NRG1: variants seen among roughly 807,000 people sequenced by gnomAD.
NRG1 encodes the protein neuregulin 1.
A neutral mutation model predicts 63.8 loss-of-function variants in NRG1; 18 were observed. That is an observed-to-expected ratio of 0.28 (90% CI 0.19 to 0.42). NRG1 has a LOEUF of 0.42. Among genes scored for constraint, NRG1 ranks in the 10% least tolerant of loss-of-function variants. The pLI is 1.00. For missense variants in NRG1, 762 were observed against 814.7 expected, an observed-to-expected ratio of 0.94 and a Z score of 0.79; for synonymous variants, 302 against 301.3, an observed-to-expected ratio of 1.00 and a Z score of -0.02.
intron 5 of NRG1, among the ~76,000 whole-genome samples, chr8:32,644,770 T>C (rs1228825574): frequency 6.6e-6 from 1 of 151,958 alleles, no homozygotes; most frequent in Non-Finnish European, 1.5e-5. Context: ...TTGGGTATTT[T>C]CAGTGTAACA....
chr8:32,628,834 G>C (rs1354556967), intron 5 of NRG1, among the ~76,000 whole-genome samples: 1 of 151,026 alleles, frequency 6.6e-6, no homozygotes, highest in Non-Finnish European at 1.5e-5. Context: ...CCCGGTTCAA[G>C]CGATTCTCCT....
intron 1 of NRG1, chr8:31,639,702 C>T: frequency 1.4e-6 from 2 of 1,391,004 alleles, no homozygotes; most frequent in Non-Finnish European, 1.9e-6. Flanking sequence ...CCTGTCACTC[C>T]CTGTAACTGA....
At chr8:32,620,872 A>C (rs767994551) in intron 5 of NRG1, among the ~76,000 whole-genome samples, 1 of 152,026 alleles carries the variant, frequency 6.6e-6, no homozygotes, top group Non-Finnish European at 1.5e-5. Context: ...GAAAAAAACA[A>C]AAAGAAGAAA....
chr8:32,064,993 TG>T (rs1399114722), intron 1 of NRG1, among the ~76,000 whole-genome samples: 1 of 152,086 alleles, frequency 6.6e-6, no homozygotes, highest in Non-Finnish European at 1.5e-5. Context: ...CCAATTACAT[TG>T]GGGGATAGTC....
At chr8:32,404,761 T>C (rs551175171) in intron 1 of NRG1, among the ~76,000 whole-genome samples, 4 of 152,076 alleles carry the variant, frequency 2.6e-5, no homozygotes, top group East Asian at 3.9e-4. Flanking sequence ...ATTTTTATAC[T>C]TTTAGTAGAG....
intron 1 of NRG1, among the ~76,000 whole-genome samples, chr8:32,526,516 G>A (rs1022694503): frequency 1.3e-5 from 2 of 152,294 alleles, no homozygotes; most frequent in Admixed American, 1.3e-4. Context: ...TATACAAGGC[G>A]TAAATACCAA....
intron 1 of NRG1, among the ~76,000 whole-genome samples, chr8:32,080,554 C>A (rs1230868588): frequency 2.6e-5 from 4 of 152,098 alleles, no homozygotes; most frequent in African/African-American, 9.7e-5. Context: ...ACAGAAGTAA[C>A]TACTAATCTA....
rs951301473 is a variant in NRG1 at position 32,763,428 on chromosome 8, G to A, written c.1260-320G>A. ...GCCTTGGTCCTTATATAAGCTGAGA[G>A]GTTTCCAGGACCTAATGCCTTCTTG... is the stretch of plus-strand genomic sequence containing the variant. On this transcript the variant is annotated intron_variant, in intron 11 of 11. Coordinates refer to ENST00000356819, the Ensembl canonical transcript of NRG1. The A allele has an allele frequency of 5.3e-6, 8 of 1,522,248 alleles. No individual in the cohort carries two copies. The Admixed American group carries it at 1.3e-4, about 25-fold the overall frequency. The allele number at this position is 1,522,248 out of a possible 1,614,324, so 94.3% of individuals were successfully genotyped here.
intron 1 of NRG1, among the ~76,000 whole-genome samples, chr8:32,488,837 G>A (rs560686354): frequency 1.2e-4 from 19 of 152,222 alleles, no homozygotes; most frequent in Admixed American, 4.6e-4. Context: ...TTCGAGTAAC[G>A]ACAGGCACCT....
At chr8:32,147,555 T>TA (rs1837007983) in intron 1 of NRG1, among the ~76,000 whole-genome samples, 1 of 152,216 alleles carries the variant, frequency 6.6e-6, no homozygotes, top group Non-Finnish European at 1.5e-5. Context: ...TAAATCCTAT[T>TA]ATACAAGGCA....
At chr8:31,759,791 A>C (rs1290612649) in intron 1 of NRG1, among the ~76,000 whole-genome samples, 1 of 152,084 alleles carries the variant, frequency 6.6e-6, no homozygotes, top group Non-Finnish European at 1.5e-5. Context: ...CTATAGGTTA[A>C]TTTAGGGAGA....
intron 1 of NRG1, among the ~76,000 whole-genome samples, chr8:32,509,095 TTA>T (rs58734290): frequency 2.8e-5 from 4 of 145,026 alleles, no homozygotes; most frequent in Admixed American, 6.9e-5. Flanking sequence ...TTATTTTATT[TTA>T]TATTTTATTT....
chr8:32,063,513 A>T (rs1056619099), intron 1 of NRG1: 1 of 152,140 alleles, frequency 6.6e-6, no homozygotes. Flanking sequence ...TGTAAAATTG[A>T]GACTATTCTG....
upstream of NRG1, among the ~76,000 whole-genome samples, chr8:32,544,549 C>T (rs1013969667): frequency 2.0e-5 from 3 of 151,362 alleles, no homozygotes; most frequent in African/African-American, 7.3e-5. Flanking sequence ...GTCACCCAGG[C>T]TGGAGTGCAG....
In NRG1 at chr8:31,728,816, C is replaced by T. The variant is rs1395127311; in HGVS notation, c.37+89385C>T. Among the ~76,000 whole-genome samples the T allele has an allele frequency of 2.6e-5, 4 of 152,250 alleles. No individual in the cohort carries two copies. The East Asian group carries it at 7.7e-4, about 29-fold the overall frequency. On this transcript the variant is annotated intron_variant, in intron 1 of 10. Transcript: ENST00000519301. ...ATCCCATTGATTCTTGTTTATGATA[C>T]TATTTCATAAAACTCAGGGTCATAT...
intron 1 of NRG1, among the ~76,000 whole-genome samples, chr8:32,081,244 C>G (rs1827418698): frequency 1.3e-5 from 2 of 152,126 alleles, no homozygotes; most frequent in Non-Finnish European, 2.9e-5. Context: ...TTCTTAATCT[C>G]CAAATGTGGT....
In NRG1 at chr8:31,708,736, C is replaced by T. The variant is rs531567227; in HGVS notation, c.37+69305C>T. ...CTGGGATTACAGGCGTGAGCCACCGCGCCCGGCCAACATAATTGTTTTTAA... is the reference window on the plus strand; with the variant it reads ...CTGGGATTACAGGCGTGAGCCACCGTGCCCGGCCAACATAATTGTTTTTAA... On this transcript the variant is annotated intron_variant, in intron 1 of 10. Coordinates refer to the NRG1 transcript ENST00000519301. 7.2e-5 allele frequency among the ~76,000 whole-genome samples: 11 copies of T among 152,236 alleles called. No individual in the cohort carries two copies. The South Asian group carries it at 8.3e-4, about 11-fold the overall frequency.
intron 1 of NRG1, among the ~76,000 whole-genome samples, chr8:32,297,349 T>G (rs897600120): frequency 5.3e-5 from 8 of 152,174 alleles, no homozygotes; most frequent in African/African-American, 1.9e-4. Flanking sequence ...TTTTGGCATT[T>G]ACTTCATTTT....
intron 1 of NRG1, among the ~76,000 whole-genome samples, chr8:32,381,954 G>A (rs539927708): frequency 1.3e-5 from 2 of 152,118 alleles, no homozygotes; most frequent in African/African-American, 2.4e-5. Flanking sequence ...CATTTTAAAA[G>A]TGAGAAAACT....
Sources: allele counts gnomAD v4.1 joint callset (sites outside exome capture counted in the v4.1 genomes callset), GRCh38; gene constraint gnomAD v4.1.1; transcripts MANE v1.5; gene names NCBI Gene and HGNC (gene_info 2026-07-23, HGNC 2026-07-21).